Variants in GRIA4 observed in about 807,000 individuals in gnomAD.
The protein encoded by GRIA4 is glutamate ionotropic receptor AMPA type subunit 4.
In GRIA4, 34 loss-of-function variants were observed where a neutral mutation model predicts 104.0. That is an observed-to-expected ratio of 0.33 (90% CI 0.25 to 0.44). The LOEUF is 0.44. Among genes scored for constraint, GRIA4 ranks in the 20% least tolerant of loss-of-function variants. The pLI is 1.00. For missense variants in GRIA4, 750 were observed against 1,096.5 expected, an observed-to-expected ratio of 0.68 and a Z score of 4.46; for synonymous variants, 386 against 381.9, an observed-to-expected ratio of 1.01 and a Z score of -0.13.
At chr11:105,884,752 C>G (rs1307978831) in intron 5 of GRIA4, among the ~76,000 whole-genome samples, 1 of 152,134 alleles carries the variant, frequency 6.6e-6, no homozygotes, top group Non-Finnish European at 1.5e-5. Context: ...TTTGAAAATG[C>G]GTTGTATAAG....
At chr11:105,638,539 A>ATG (rs66610848) in intron 3 of GRIA4, among the ~76,000 whole-genome samples, 4,605 of 149,452 alleles carry the variant, frequency 0.031, 104 homozygotes, top group Middle Eastern at 0.076. Flanking sequence ...GTGCGCGTGT[A>ATG]TGTGTGTGTG....
intron 4 of GRIA4, among the ~76,000 whole-genome samples, chr11:105,829,094 T>TACACACACAC (rs146841671): frequency 6.6e-6 from 1 of 151,010 alleles, no homozygotes; most frequent in Non-Finnish European, 1.5e-5. Flanking sequence ...CAGTGATGTA[T>TACACACACAC]ACACACACAC....
At chr11:105,920,676 C>T (rs1947533807) in intron 11 of GRIA4, among the ~76,000 whole-genome samples, 1 of 152,106 alleles carries the variant, frequency 6.6e-6, no homozygotes, top group African/African-American at 2.4e-5. Context: ...CAGTCCTATA[C>T]ATGTCACAAT....
chr11:105,616,606 T>C (rs1373923), intron 3 of GRIA4, among the ~76,000 whole-genome samples: 149,151 of 151,612 alleles, frequency 0.98, 73,404 homozygotes, highest in Non-Finnish European at 1. Context: ...CACGTTTTCT[T>C]TTCCAGGATC....
intron 14 of GRIA4, among the ~76,000 whole-genome samples, chr11:105,952,335 G>A (rs1448450124): frequency 6.6e-6 from 1 of 152,078 alleles, no homozygotes; most frequent in Non-Finnish European, 1.5e-5. Context: ...AATTCTAAAA[G>A]AGAACCATGA....
At chr11:105,673,320 T>C (rs778125463) in intron 3 of GRIA4, among the ~76,000 whole-genome samples, 1 of 152,110 alleles carries the variant, frequency 6.6e-6, no homozygotes, top group Non-Finnish European at 1.5e-5. Context: ...TGGATTTGAC[T>C]AAGTGCCTGA....
intron 6 of GRIA4, among the ~76,000 whole-genome samples, chr11:105,893,755 G>A (rs900577980): frequency 3.3e-5 from 5 of 152,164 alleles, no homozygotes; most frequent in Admixed American, 6.5e-5. Context: ...AAATAATAAT[G>A]TCATCAATTA....
intron 4 of GRIA4, among the ~76,000 whole-genome samples, chr11:105,858,641 T>C (rs1284244223): frequency 6.6e-6 from 1 of 152,118 alleles, no homozygotes; most frequent in African/African-American, 2.4e-5. Context: ...CTATTAACCA[T>C]CCCCATTTCC....
chr11:105,615,191 A>C (rs918948509), intron 3 of GRIA4, among the ~76,000 whole-genome samples: 1 of 151,918 alleles, frequency 6.6e-6, no homozygotes, highest in African/African-American at 2.4e-5. Context: ...CTCAAAAAAA[A>C]CACAAAGAAT....
chr11:105,761,756 T>A (rs1940662608), intron 4 of GRIA4, among the ~76,000 whole-genome samples: 1 of 152,220 alleles, frequency 6.6e-6, no homozygotes, highest in Non-Finnish European at 1.5e-5. Flanking sequence ...CATTAAGAAA[T>A]GTAAAAACCA....
chr11:105,733,172 A>G lies in GRIA4; in HGVS notation c.248-19809A>G, dbSNP rs1938710165. On this transcript the variant is annotated intron_variant, in intron 3 of 16. Transcript: ENST00000282499. ...ACTTAATACATTTTCATACATTTCT[A>G]CCTTGCTGTCACAAAGTTAAGAAAA... Among the ~76,000 whole-genome samples the G allele has an allele frequency of 2.6e-5, 4 of 152,194 alleles. No individual in the cohort carries two copies. In the South Asian group the frequency reaches 8.3e-4, roughly 31 times the overall value.
intron 12 of GRIA4, among the ~76,000 whole-genome samples, chr11:105,926,509 C>A (rs1217352184): frequency 6.6e-6 from 1 of 151,952 alleles, no homozygotes; most frequent in African/African-American, 2.4e-5. Context: ...TTTCTTTAAA[C>A]AATAAAAAGG....
At chr11:105,792,562 C>A (rs1317349611) in intron 4 of GRIA4, among the ~76,000 whole-genome samples, 1 of 152,014 alleles carries the variant, frequency 6.6e-6, no homozygotes, top group Non-Finnish European at 1.5e-5. Flanking sequence ...ATATACCACC[C>A]AAAATTTTGC....
At chr11:105,694,808 A>G (rs1953211901) in intron 3 of GRIA4, among the ~76,000 whole-genome samples, 1 of 152,216 alleles carries the variant, frequency 6.6e-6, no homozygotes, top group South Asian at 2.1e-4. Flanking sequence ...AAAGTTAAAT[A>G]AAATTTAAAA....
chr11:105,926,532 T>C (rs1947711291), intron 12 of GRIA4, among the ~76,000 whole-genome samples: 1 of 152,174 alleles, frequency 6.6e-6, no homozygotes, highest in Non-Finnish European at 1.5e-5. Flanking sequence ...ATGGTTGTCA[T>C]ATTTTCAGTG....
intron 3 of GRIA4, among the ~76,000 whole-genome samples, chr11:105,641,145 T>C (rs532566288): frequency 1.1e-3 from 162 of 152,260 alleles, no homozygotes; most frequent in Middle Eastern, 3.4e-3. Context: ...AGAGCTTTCA[T>C]TTATTTTTTA....
intron 3 of GRIA4, among the ~76,000 whole-genome samples, chr11:105,703,792 G>T (rs765305500): frequency 6.6e-6 from 1 of 152,076 alleles, no homozygotes; most frequent in Non-Finnish European, 1.5e-5. Flanking sequence ...AGACACCAAA[G>T]CCTAATGGGA....
At chr11:105,900,956 AT>A (rs1240475280) in intron 7 of GRIA4, among the ~76,000 whole-genome samples, 2 of 101,876 alleles carry the variant, frequency 2.0e-5, no homozygotes, top group Non-Finnish European at 4.2e-5. Flanking sequence ...AACTAAAAAT[AT>A]ATATATATAT....
intron 3 of GRIA4, among the ~76,000 whole-genome samples, chr11:105,653,919 GA>G (rs1951754526): frequency 7.2e-6 from 1 of 138,378 alleles, no homozygotes; most frequent in African/African-American, 2.7e-5. Context: ...GTTTGTGGGG[GA>G]AAATGACCTG....
Sources: allele counts gnomAD v4.1 joint callset (sites outside exome capture counted in the v4.1 genomes callset), GRCh38; gene constraint gnomAD v4.1.1; transcripts MANE v1.5; gene names NCBI Gene and HGNC (gene_info 2026-07-23, HGNC 2026-07-21).